Variants in SGCZ observed in about 807,000 individuals in gnomAD.
The protein encoded by SGCZ is sarcoglycan zeta.
SGCZ carries 40 observed loss-of-function variants against 41.3 expected under a neutral mutation model. The observed-to-expected ratio is 0.97, with a 90% CI of 0.75 to 1.26. The LOEUF is 1.26. SGCZ is among the 50% of genes most tolerant of loss of function. The pLI is 0.00. For synonymous variants in SGCZ, 206 were observed against 137.5 expected, an observed-to-expected ratio of 1.50 and a Z score of -3.49; for missense variants, 552 against 369.8, an observed-to-expected ratio of 1.49 and a Z score of -4.04.
intron 2 of SGCZ, among the ~76,000 whole-genome samples, chr8:14,519,937 C>T (rs1802740713): frequency 6.6e-6 from 1 of 152,000 alleles, no homozygotes; most frequent in African/African-American, 2.4e-5. Context: ...CAACATAAAC[C>T]ATGGTTTAAA....
chr8:14,950,197 G>A (rs777558457), intron 1 of SGCZ, among the ~76,000 whole-genome samples: 2 of 151,926 alleles, frequency 1.3e-5, no homozygotes, highest in Non-Finnish European at 2.9e-5. Flanking sequence ...GCTACTCTCA[G>A]GTCCATCTTG....
In SGCZ at chr8:15,025,330, T is replaced by G. The variant is rs531081739; in HGVS notation, c.39+212255A>C. On this transcript the variant is annotated intron_variant, in intron 1 of 7. Coordinates refer to ENST00000382080, the MANE Select transcript of SGCZ (RefSeq NM_139167.4). ...AATTGAGACAAGGGAGACACATGAG[T>G]TTCAGGCTGTCATCTCAAGGACACA... Among the ~76,000 whole-genome samples the G allele has an allele frequency of 5.9e-5, 9 of 152,098 alleles. No homozygotes were observed. The East Asian group carries it at 1.2e-3, about 20-fold the overall frequency.
chr8:14,949,740 C>T (rs1296455295), intron 1 of SGCZ, among the ~76,000 whole-genome samples: 1 of 152,038 alleles, frequency 6.6e-6, no homozygotes, highest in East Asian at 1.9e-4. Flanking sequence ...ATATGTGCTA[C>T]TCTACATTTA....
intron 1 of SGCZ, among the ~76,000 whole-genome samples, chr8:14,642,802 C>A (rs1807071408): frequency 6.6e-6 from 1 of 151,314 alleles, no homozygotes; most frequent in African/African-American, 2.4e-5. Context: ...CAAAATGGCA[C>A]TGACTTTTTG....
chr8:14,666,581 A>C (rs556030163), intron 1 of SGCZ, among the ~76,000 whole-genome samples: 1 of 152,146 alleles, frequency 6.6e-6, no homozygotes, highest in South Asian at 2.1e-4. Context: ...CTGTAGATAA[A>C]CCAAAACATA....
chr8:14,964,719 A>C (rs1285993761), intron 1 of SGCZ, among the ~76,000 whole-genome samples: 1 of 152,142 alleles, frequency 6.6e-6, no homozygotes, highest in African/African-American at 2.4e-5. Context: ...TCTCGGGAAA[A>C]GCAGCTCCTT....
In SGCZ at chr8:14,086,870, G is replaced by C. The variant is rs1801536488; in HGVS notation, c.*3573C>G. Among the ~76,000 whole-genome samples the C allele has an allele frequency of 6.6e-6, 1 of 151,654 alleles. No homozygotes were observed. ...TATGGCTACTTAACCTAAGATTTATGAGTGCTTCCTTAACTGAATCAGAAA... is the reference window on the plus strand; with the variant it reads ...TATGGCTACTTAACCTAAGATTTATCAGTGCTTCCTTAACTGAATCAGAAA... On this transcript the variant is annotated 3_prime_UTR_variant, in exon 8 of 8. Transcript: ENST00000382080.
At chr8:14,391,290 AT>A (rs938006899) in intron 2 of SGCZ, among the ~76,000 whole-genome samples, 21 of 151,810 alleles carry the variant, frequency 1.4e-4, no homozygotes, top group East Asian at 3.9e-4. Flanking sequence ...TTTAACTTGG[AT>A]TTTTTTTTCC....
intron 1 of SGCZ, among the ~76,000 whole-genome samples, chr8:15,082,907 C>A (rs1396205549): frequency 1.3e-5 from 2 of 152,108 alleles, no homozygotes; most frequent in Non-Finnish European, 2.9e-5. Flanking sequence ...TTCACTTAGA[C>A]AGTATTCAAT....
chr8:14,467,355 G>A (rs1463472162), intron 2 of SGCZ, among the ~76,000 whole-genome samples: 1 of 152,018 alleles, frequency 6.6e-6, no homozygotes, highest in Non-Finnish European at 1.5e-5. Flanking sequence ...ATGGGGGCAA[G>A]TGCAAAAACA....
intron 3 of SGCZ, among the ~76,000 whole-genome samples, chr8:14,286,321 T>C (rs1185115662): frequency 6.6e-6 from 1 of 152,124 alleles, no homozygotes; most frequent in African/African-American, 2.4e-5. Context: ...CATTAAGCCT[T>C]GTCCAACTAG....
chr8:14,181,676 G>A (rs940773100), intron 4 of SGCZ, among the ~76,000 whole-genome samples: 3 of 152,146 alleles, frequency 2.0e-5, no homozygotes, highest in African/African-American at 7.2e-5. Flanking sequence ...TTTTATAAAC[G>A]GGAGTTCCTC....
At chr8:15,067,378 A>C (rs1391136482) in intron 1 of SGCZ, among the ~76,000 whole-genome samples, 3 of 152,172 alleles carry the variant, frequency 2.0e-5, no homozygotes, top group Non-Finnish European at 2.9e-5. Context: ...AGAAGAAATT[A>C]TTTTATTCAA....
intron 1 of SGCZ, among the ~76,000 whole-genome samples, chr8:15,017,821 G>A (rs28693405): frequency 6.6e-6 from 1 of 152,054 alleles, no homozygotes; most frequent in Non-Finnish European, 1.5e-5. Flanking sequence ...CACACTTAAA[G>A]TTTATTTAGT....
At chr8:14,308,727 A>G (rs995620280) in intron 3 of SGCZ, among the ~76,000 whole-genome samples, 6 of 152,106 alleles carry the variant, frequency 3.9e-5, no homozygotes, top group African/African-American at 1.4e-4. Flanking sequence ...TTAACAAATT[A>G]CTTATCTTTG....
At chr8:15,044,122 C>A (rs143832919) in intron 1 of SGCZ, among the ~76,000 whole-genome samples, 44 of 152,122 alleles carry the variant, frequency 2.9e-4, no homozygotes, top group African/African-American at 1.0e-3. Flanking sequence ...AGCTTTGATT[C>A]CAAATGAATT....
At chr8:14,910,329 C>T (rs1048477275) in intron 1 of SGCZ, among the ~76,000 whole-genome samples, 9 of 151,978 alleles carry the variant, frequency 5.9e-5, no homozygotes, top group African/African-American at 1.9e-4. Flanking sequence ...ATTTATTAAA[C>T]ATCTCTCACA....
At chr8:14,493,250 C>T (rs186133901) in intron 2 of SGCZ, among the ~76,000 whole-genome samples, 9 of 151,928 alleles carry the variant, frequency 5.9e-5, no homozygotes. Context: ...TGACATGAAC[C>T]TCCTCAATCT....
chr8:14,404,746 T>A (rs1278119960), intron 2 of SGCZ, among the ~76,000 whole-genome samples: 1 of 152,158 alleles, frequency 6.6e-6, no homozygotes, highest in African/African-American at 2.4e-5. Flanking sequence ...TGCTCTCAGA[T>A]CTGTGTCTGG....
Sources: gnomAD v4.1 joint callset for allele counts (sites outside exome capture counted in the v4.1 genomes callset) on GRCh38, gnomAD v4.1.1 for gene constraint, MANE v1.5 for transcripts, NCBI Gene and HGNC (gene_info 2026-07-23, HGNC 2026-07-21) for gene names.